Variants in UBXN11 observed in about 807,000 individuals in gnomAD.
UBXN11 encodes the protein UBX domain protein 11, also known as UBX domain-containing protein 11.
In UBXN11, 47 loss-of-function variants were observed where a neutral mutation model predicts 62.8. The observed-to-expected ratio is 0.75, with a 90% confidence interval of 0.59 to 0.95. The LOEUF (loss-of-function observed/expected upper bound fraction) is 0.95. UBXN11 is among the 40% of genes least tolerant of loss of function. The probability of loss-of-function intolerance (pLI) is 0.00; values close to 1 mark genes in which losing one functional copy is unlikely to be tolerated. For synonymous variants in UBXN11, 294 were observed against 267.0 expected (o/e 1.10, Z -0.99); for missense variants, 638 against 661.7 (o/e 0.96, Z 0.39).
At chr1:26,297,104 T>C in intron 6 of UBXN11, 109 bp from the exon 7 acceptor site, 1 of 1,298,246 alleles carries the variant, frequency 7.7e-7, no homozygotes, top group Non-Finnish European at 1.1e-6. Context: ...CCCCAAGAAC[T>C]GCCTCTTGGC....
chr1:26,305,841 ACT>A (rs1334325816), intron 1 of UBXN11, among the ~76,000 whole-genome samples: 1 of 151,788 alleles, frequency 6.6e-6, no homozygotes, highest in Non-Finnish European at 1.5e-5. Context: ...TGCAGGCTAA[ACT>A]CTCTCACATA....
chr1:26,296,635 G>A (rs1459326323), intron 7 of UBXN11, among the ~76,000 whole-genome samples: 4 of 152,204 alleles, frequency 2.6e-5, no homozygotes, highest in African/African-American at 7.2e-5. Flanking sequence ...GGGCCACAGC[G>A]AGGACTGTAG....
upstream of UBXN11, among the ~76,000 whole-genome samples, chr1:26,310,597 G>A (rs569850266): frequency 1.0e-4 from 15 of 149,890 alleles, no homozygotes; most frequent in Admixed American, 3.3e-4. Flanking sequence ...GCATGGTGGC[G>A]GTCGCCTGTA....
upstream of UBXN11, among the ~76,000 whole-genome samples, chr1:26,309,259 TGAGA>T (rs2073715267): frequency 1.4e-5 from 2 of 141,202 alleles, no homozygotes; most frequent in Admixed American, 7.0e-5. Context: ...TTTTTTTTTT[TGAGA>T]CAGAGTCTCA....
chr1:26,294,108 G>A (rs1017683970), intron 8 of UBXN11, 97 bp downstream of exon 8: 3 of 1,529,332 alleles, frequency 2.0e-6, no homozygotes, highest in Non-Finnish European at 1.8e-6. Flanking sequence ...CAGGGACCCG[G>A]GCACGAATGA....
chr1:26,309,889 C>G (rs919250687), upstream of UBXN11, among the ~76,000 whole-genome samples: 1 of 152,198 alleles, frequency 6.6e-6, no homozygotes, highest in Non-Finnish European at 1.5e-5. Flanking sequence ...AATATATACA[C>G]TATTTTAAAA....
chr1:26,286,944 C>A (rs1277931335), intron 8 of UBXN11, among the ~76,000 whole-genome samples: 1 of 152,162 alleles, frequency 6.6e-6, no homozygotes, highest in African/African-American at 2.4e-5. Flanking sequence ...GGTGATCCGC[C>A]CGCCTTGGCA....
chr1:26,306,435 T>C (rs941329416), intron 1 of UBXN11, 157 bp downstream of exon 1: 2 of 152,226 alleles, frequency 1.3e-5, no homozygotes, highest in African/African-American at 4.8e-5. Context: ...AACCCAGCCC[T>C]GGAGGCCGTG....
intron 8 of UBXN11, among the ~76,000 whole-genome samples, chr1:26,288,694 A>G (rs4659422): frequency 0.87 from 133,142 of 152,200 alleles, 59,218 homozygotes; most frequent in Non-Finnish European, 0.93. Flanking sequence ...AGCCACAGCC[A>G]TCCTTTCTGT....
upstream of UBXN11, among the ~76,000 whole-genome samples, chr1:26,311,479 G>A (rs942504982): frequency 1.9e-4 from 29 of 149,834 alleles, no homozygotes; most frequent in Admixed American, 1.8e-3. Flanking sequence ...TCTCACACTC[G>A]TTGCCAAGGT....
At chr1:26,295,879 A>G (rs1403942192) in intron 7 of UBXN11, among the ~76,000 whole-genome samples, 1 of 152,234 alleles carries the variant, frequency 6.6e-6, no homozygotes, top group African/African-American at 2.4e-5. Flanking sequence ...AGGCTGTTAA[A>G]TGAATGAAGT....
At chr1:26,317,066 T>TA (rs5773158) in intron 1 of UBXN11, among the ~76,000 whole-genome samples, 31 of 135,796 alleles carry the variant, frequency 2.3e-4, no homozygotes, top group East Asian at 1.3e-3. Flanking sequence ...CAGTCTCCGC[T>TA]AAAAAAAAAA....
At chr1:26,315,593 C>T (rs564828275) in intron 1 of UBXN11, among the ~76,000 whole-genome samples, 2 of 152,296 alleles carry the variant, frequency 1.3e-5, no homozygotes, top group South Asian at 4.1e-4. Context: ...TCTTCTCTCC[C>T]TCCCCGCCCC....
chr1:26,285,231 G>T, intron 10 of UBXN11: 1 of 1,309,588 alleles, frequency 7.6e-7, no homozygotes, highest in Non-Finnish European at 9.8e-7. Flanking sequence ...CAGGGGCCCC[G>T]CAGCCGAGGC....
chr1:26,298,086 G>A, intron 4 of UBXN11, 24 bp from the exon 5 acceptor site: 1 of 1,607,752 alleles, frequency 6.2e-7, no homozygotes, highest in Non-Finnish European at 8.5e-7. Flanking sequence ...AAAGTCTTTA[G>A]AGCCCAGACC....
At chr1:26,304,480 C>T (rs2073614009) in intron 1 of UBXN11, among the ~76,000 whole-genome samples, 1 of 152,182 alleles carries the variant, frequency 6.6e-6, no homozygotes, top group Non-Finnish European at 1.5e-5. Flanking sequence ...TGGCCAGGCA[C>T]GGTGGCTTAC....
Position 26,282,448 on chromosome 1 carries a change from G to A in UBXN11, c.1414C>T (p.Arg472Cys), listed in dbSNP as rs747239048. ...VPKAALLLRA[R>C]RAPKSSLKFS... Reference sequence around the variant, plus strand: ...TTCAGGCTGGACTTCGGGGCTCGGCGTGCCCGCAGCAGCAGTGCTGCTTTG... The same window carrying A: ...TTCAGGCTGGACTTCGGGGCTCGGCATGCCCGCAGCAGCAGTGCTGCTTTG... Residue 472 changes from arginine (R) to cysteine (C), a missense_variant, in exon 15 of 15, where the codon CGC (arginine) becomes TGC (cysteine). By Grantham distance (180) the Arg-to-Cys change is radical. Coordinates refer to ENST00000374222, the MANE Select transcript of UBXN11 (RefSeq NM_001389556.1). 6.9e-6 allele frequency: 11 copies of A among 1,603,782 alleles called. No homozygotes were observed. The highest frequency in any genetic ancestry group is 3.5e-5 in the Admixed American group (2 of 57,444).
chr1:26,291,864 G>A (rs1273562645), intron 8 of UBXN11, among the ~76,000 whole-genome samples: 4 of 152,194 alleles, frequency 2.6e-5, no homozygotes, highest in South Asian at 2.1e-4. Flanking sequence ...GCAGGGACAC[G>A]CTCCCCTTCC....
intron 8 of UBXN11, among the ~76,000 whole-genome samples, chr1:26,288,350 G>C (rs2073178481): frequency 6.6e-6 from 1 of 152,186 alleles, no homozygotes; most frequent in African/African-American, 2.4e-5. Flanking sequence ...AGAGAAGCTT[G>C]CCAAGAAAAT....
Sources: gnomAD v4.1 joint callset for allele counts (sites outside exome capture counted in the v4.1 genomes callset) on GRCh38, gnomAD v4.1.1 for gene constraint, MANE v1.5 for transcripts, NCBI Gene and HGNC (gene_info 2026-07-23, HGNC 2026-07-21) for gene names.